Variants in PPP2R5C observed in about 807,000 individuals in gnomAD.
PPP2R5C encodes protein phosphatase 2 regulatory subunit B'gamma.
PPP2R5C carries 7 observed loss-of-function variants against 68.9 expected under a neutral mutation model. The ratio of observed to expected loss-of-function variants is 0.10; its 90% confidence interval spans 0.06 to 0.19. PPP2R5C has a LOEUF of 0.19. Ranked by LOEUF, PPP2R5C falls within the 10% of genes least tolerant of loss-of-function variation. The pLI, the probability that PPP2R5C is intolerant of heterozygous loss-of-function variation, is 1.00. For synonymous variants in PPP2R5C, 210 were observed against 222.2 expected, an observed-to-expected ratio of 0.95 and a Z score of 0.49; for missense variants, 348 against 641.3, an observed-to-expected ratio of 0.54 and a Z score of 4.94.
chr14:101,862,155 A>G (rs1281438926), intron 2 of PPP2R5C, among the ~76,000 whole-genome samples: 2 of 152,156 alleles, frequency 1.3e-5, no homozygotes, highest in Non-Finnish European at 2.9e-5. Context: ...TGCTCAAGCA[A>G]TCCACACGCC....
intron 2 of PPP2R5C, among the ~76,000 whole-genome samples, chr14:101,778,467 G>T (rs568303698): frequency 6.6e-6 from 1 of 152,174 alleles, no homozygotes; most frequent in Non-Finnish European, 1.5e-5. Context: ...TCATAGCTAA[G>T]AAACCATTAT....
chr14:101,894,581 G>A lies in PPP2R5C; in HGVS notation c.852+21G>A, dbSNP rs374931017. ...AACCAGTAAGTACTGATGCTAGCGC[G>A]TCTTGTAAGATGTGTGCATTTCACT... On this transcript the variant is annotated intron_variant, in intron 8 of 13. Coordinates refer to ENST00000334743, the Ensembl canonical transcript of PPP2R5C. 60 of 1,605,502 alleles carry A rather than the reference G, an allele frequency of 3.7e-5. 1 individual carries two copies. The highest frequency in any genetic ancestry group is 3.0e-4 in the South Asian group (27 of 90,864).
Position 101,797,432 on chromosome 14 carries a change from C to T in PPP2R5C, c.259+11249C>T. The T allele has an allele frequency of 2.5e-6, 1 of 398,198 alleles. No homozygotes were observed. Among genetic ancestry groups the T allele is most frequent in the Non-Finnish European group, 5.1e-6 (1 of 194,178 alleles). 24.7% of individuals were successfully genotyped at this position (398,198 alleles called of 1,614,324 possible). A position where few individuals can be genotyped will look rare whatever the true frequency, so the allele number is the denominator to read the frequency against. On this transcript the variant is annotated intron_variant, in intron 3 of 14. Coordinates refer to the PPP2R5C transcript ENST00000328724. This position sits in a 1 kb window ranked among gnomAD's most constrained non-coding sequence, Gnocchi z 4.2. ...GAGCATCTGCCAAGGACCCAGGAAA[C>T]ACACAGTGTGTCTCCTGAAGGAATG...
exon 1 of PPP2R5C, chr14:101,810,026 C>T (rs777239468): frequency 4.3e-6 from 7 of 1,613,634 alleles, no homozygotes; most frequent in South Asian, 1.1e-5. Context: ...TGGTCCTTCT[C>T]CATATTCGAG....
At chr14:101,818,306 G>A (rs2140247564) in intron 1 of PPP2R5C, 1 of 152,254 alleles carries the variant, frequency 6.6e-6, no homozygotes, top group Non-Finnish European at 1.5e-5. Flanking sequence ...TTGAAGAAGA[G>A]AGTTTTAGTA....
chr14:101,887,681 G>T lies in PPP2R5C; in HGVS notation c.630-2556G>T, dbSNP rs563841741. 3.9e-5 allele frequency among the ~76,000 whole-genome samples: 6 copies of T among 152,352 alleles called. No homozygotes were observed. In the South Asian group the frequency reaches 1.2e-3, roughly 32 times the overall value. On this transcript the variant is annotated intron_variant, in intron 5 of 13. Coordinates refer to ENST00000334743, the Ensembl canonical transcript of PPP2R5C. ...GACCCCCAGTCCTCCTAAGAGTTTG[G>T]CTTGGAACTGGTGCAGAGTGACTTC...
At chr14:101,904,613 G>A (rs1045932354) in intron 9 of PPP2R5C, among the ~76,000 whole-genome samples, 1 of 152,076 alleles carries the variant, frequency 6.6e-6, no homozygotes, top group Admixed American at 6.6e-5. Flanking sequence ...GTTCATCCCA[G>A]CTCACTGCCT....
chr14:101,809,717 A>T, upstream of PPP2R5C: 1 of 883,102 alleles, frequency 1.1e-6, no homozygotes, highest in Non-Finnish European at 1.6e-6. Flanking sequence ...CCAGCTTTTA[A>T]GGCACACTGA....
Position 101,797,928 on chromosome 14 carries a change from A to G in PPP2R5C, c.259+11745A>G, listed in dbSNP as rs556729703. 6.6e-6 allele frequency among the ~76,000 whole-genome samples: 1 copy of G among 151,938 alleles called. No individual in the cohort carries two copies. Among genetic ancestry groups the G allele is most frequent in the East Asian group, 1.9e-4 (1 of 5,148 alleles). ...GTGGACAAGCTCGTCCATCCTCTTTAATCACTCCCAGGCCTCGCTCACACA... is the reference window on the plus strand; with the variant it reads ...GTGGACAAGCTCGTCCATCCTCTTTGATCACTCCCAGGCCTCGCTCACACA... On this transcript the variant is annotated intron_variant, in intron 3 of 14. Transcript: ENST00000328724. This position sits in a 1 kb window ranked among gnomAD's most constrained non-coding sequence, Gnocchi z 4.2.
intron 3 of PPP2R5C, 49 bp from the exon 6 acceptor site, chr14:101,883,208 A>T (rs1393172182): frequency 7.6e-7 from 1 of 1,311,500 alleles, no homozygotes; most frequent in East Asian, 2.3e-5. Context: ...TTTAACCGCC[A>T]TTCAATAAAA....
At position 101,917,830 on chromosome 14, in the gene PPP2R5C, G is replaced by A. The variant is rs751329156; in HGVS notation, c.1327-1G>A. 2 of 1,613,508 alleles carry A rather than the reference G, an allele frequency of 1.2e-6. No individual in the cohort carries two copies. The highest frequency in any genetic ancestry group is 1.7e-6 in the Non-Finnish European group (2 of 1,179,548). On this transcript the variant is annotated splice_acceptor_variant, in intron 12 of 13. Transcript: ENST00000334743. LOFTEE classifies it high-confidence loss of function. The surrounding 1 kb of genome is among the most constrained non-coding windows in gnomAD (Gnocchi z 4.4). ...GAGCGACTCCACGCTTTGCATTGCA[G>A]TACACAGTGTATAGTCAAGCCAGCA...
intron 13 of PPP2R5C, 70 bp downstream of exon 15, chr14:101,918,017 G>C (rs1441607303): frequency 6.2e-7 from 1 of 1,603,152 alleles, no homozygotes; most frequent in Non-Finnish European, 8.5e-7. Flanking sequence ...TTTTGTAGGC[G>C]ATGTGATTTG....
chr14:101,921,589 G>A (rs940777092), intron 13 of PPP2R5C, among the ~76,000 whole-genome samples: 1 of 151,248 alleles, frequency 6.6e-6, no homozygotes, highest in Admixed American at 6.6e-5. Context: ...CCAAATTGAC[G>A]TAAGAAATGA....
In PPP2R5C at chr14:101,908,009, T is replaced by C. The variant is rs1166841682; in HGVS notation, c.1151+1480T>C. Among the ~76,000 whole-genome samples the C allele has an allele frequency of 2.0e-5, 3 of 152,204 alleles. No individual in the cohort carries two copies. The East Asian group carries it at 5.8e-4, about 29-fold the overall frequency. On this transcript the variant is annotated intron_variant, in intron 10 of 13. Coordinates refer to ENST00000334743, the Ensembl canonical transcript of PPP2R5C. ...AAGGGCAGGCAGATCAGAGTGAGGA[T>C]GACTTTGGTTCACATTCCTGCCTTC... is the stretch of plus-strand genomic sequence containing the variant.
chr14:101,786,674 T>C (rs941898965), intron 3 of PPP2R5C, among the ~76,000 whole-genome samples: 4 of 152,204 alleles, frequency 2.6e-5, no homozygotes, highest in Non-Finnish European at 5.9e-5. Context: ...GCATTTCTTA[T>C]ATGAAATTAG....
At chr14:101,896,440 G>A (rs370009011) in intron 8 of PPP2R5C, among the ~76,000 whole-genome samples, 1 of 151,952 alleles carries the variant, frequency 6.6e-6, no homozygotes, top group Non-Finnish European at 1.5e-5. Context: ...ACCAAAATCT[G>A]TATATCTTCT....
At chr14:101,869,400 T>C (rs542620283) in intron 2 of PPP2R5C, among the ~76,000 whole-genome samples, 1 of 152,324 alleles carries the variant, frequency 6.6e-6, no homozygotes, top group Non-Finnish European at 1.5e-5. Context: ...AATACTTACA[T>C]ACCGATTTTA....
intron 2 of PPP2R5C, chr14:101,765,411 A>G: frequency 1.6e-6 from 1 of 609,164 alleles, no homozygotes. Flanking sequence ...CTTCACTTCT[A>G]GTTCCACCCA....
intron 1 of PPP2R5C, among the ~76,000 whole-genome samples, chr14:101,823,463 C>T (rs1222165778): frequency 6.6e-6 from 1 of 152,276 alleles, no homozygotes; most frequent in South Asian, 2.1e-4. Context: ...CGGAGTAATT[C>T]GGTACCCTCT....
Sources: gnomAD v4.1 joint callset for allele counts (sites outside exome capture counted in the v4.1 genomes callset) on GRCh38, gnomAD v4.1.1 for gene constraint, Gnocchi (gnomAD v3.1) non-coding constraint, MANE v1.5 for transcripts, NCBI Gene and HGNC (gene_info 2026-07-23, HGNC 2026-07-21) for gene names.